PLAGL2: variants seen among roughly 807,000 people sequenced by gnomAD.
PLAGL2 encodes zinc finger protein PLAGL2.
PLAGL2 carries 7 observed loss-of-function variants against 29.0 expected under a neutral mutation model. The observed-to-expected ratio is 0.24, with a 90% CI of 0.14 to 0.45. The LOEUF is 0.45. PLAGL2 is among the 20% of genes least tolerant of loss of function. The probability of loss-of-function intolerance (pLI) is 0.99; values close to 1 mark genes in which losing one functional copy is unlikely to be tolerated. For missense variants in PLAGL2, 454 were observed against 648.2 expected (o/e 0.70, Z 3.25); for synonymous variants, 234 against 266.0 (o/e 0.88, Z 1.17).
chr20:32,201,475 C>T (rs1043795714), intron 2 of PLAGL2, among the ~76,000 whole-genome samples: 1 of 151,894 alleles, frequency 6.6e-6, no homozygotes, highest in African/African-American at 2.4e-5. Context: ...TCCTAGTTAC[C>T]TGGGAGAATG....
At chr20:32,203,048 T>C (rs1182967059) in intron 1 of PLAGL2, among the ~76,000 whole-genome samples, 1 of 150,828 alleles carries the variant, frequency 6.6e-6, no homozygotes, top group East Asian at 1.9e-4. Flanking sequence ...GAGAGGCCCC[T>C]CCTACAGGGC....
chr20:32,195,131 T>C lies in PLAGL2; in HGVS notation c.*1321A>G, dbSNP rs1016145276. 6.6e-6 allele frequency: 1 copy of C among 152,288 alleles called. No individual in the cohort carries two copies. The highest frequency in any genetic ancestry group is 2.4e-5 in the African/African-American group (1 of 41,424). 9.4% of individuals were successfully genotyped at this position (152,288 alleles called of 1,614,324 possible). A position where few individuals can be genotyped will look rare whatever the true frequency, so the allele number is the denominator to read the frequency against. On this transcript the variant is annotated 3_prime_UTR_variant, in exon 3 of 3. Transcript: ENST00000246229. ...GGAGAGCAGAGAAGCCTATGCACAG[T>C]GGCCGAGTCCACTGTAAAGTGGAAG...
chr20:32,205,855 C>G lies in PLAGL2; in HGVS notation c.-115+1786G>C, dbSNP rs6058548. ...CACACTCAAATTCTCCTCACTCCCC[C>G]CTAAAAAACAGTTGAGAGATAACAC... is the stretch of plus-strand genomic sequence containing the variant. On this transcript the variant is annotated intron_variant, in intron 1 of 2. Transcript: ENST00000246229. Among the ~76,000 whole-genome samples, 1,503 of 152,258 alleles carry G rather than the reference C, an allele frequency of 9.9e-3. 27 individuals are homozygous for G. The highest frequency in any genetic ancestry group is 0.035 in the African/African-American group (1,439 of 41,536).
At chr20:32,203,614 TGGGGAGG>T (rs1301690625) in intron 1 of PLAGL2, among the ~76,000 whole-genome samples, 1 of 152,144 alleles carries the variant, frequency 6.6e-6, no homozygotes, top group African/African-American at 2.4e-5. Flanking sequence ...CACGAGAATC[TGGGGAGG>T]GCTCCAACTG....
Position 32,202,734 on chromosome 20 carries a change from A to G in PLAGL2, c.-114-442T>C, listed in dbSNP as rs140338013. On this transcript the variant is annotated intron_variant, in intron 1 of 2. Coordinates refer to ENST00000246229, the MANE Select transcript of PLAGL2 (RefSeq NM_002657.3). ...GGCACCTCCTCGTCCACTACTTTCCACAATTGTCCTCCTCATGGAGGTGCT... is the reference window on the plus strand; with the variant it reads ...GGCACCTCCTCGTCCACTACTTTCCGCAATTGTCCTCCTCATGGAGGTGCT... 3.9e-3 allele frequency among the ~76,000 whole-genome samples: 591 copies of G among 152,206 alleles called. 6 individuals are homozygous for G. In the Middle Eastern group the frequency reaches 0.041, roughly 11 times the overall value.
intron 1 of PLAGL2, among the ~76,000 whole-genome samples, chr20:32,206,991 T>TG (rs1316219364): frequency 6.6e-6 from 1 of 151,832 alleles, no homozygotes; most frequent in Non-Finnish European, 1.5e-5. Flanking sequence ...GCTGGAAGGC[T>TG]GGGGGGATGG....
At chr20:32,206,664 A>G (rs1042275477) in intron 1 of PLAGL2, among the ~76,000 whole-genome samples, 3 of 152,232 alleles carry the variant, frequency 2.0e-5, no homozygotes, top group East Asian at 1.9e-4. Flanking sequence ...CTAAGCTTGC[A>G]GGTGAAAGCA....
chr20:32,207,602 C>T (rs1472819515), intron 1 of PLAGL2, 39 bp downstream of exon 1: 3 of 157,918 alleles, frequency 1.9e-5, no homozygotes, highest in Non-Finnish European at 2.8e-5. Context: ...CCTCCCGCCC[C>T]TCTCCCCGCC....
Position 32,197,321 on chromosome 20 carries a change from G to A in PLAGL2, c.622C>T (p.Arg208Trp). 2 of 1,602,970 alleles carry A rather than the reference G, an allele frequency of 1.2e-6. No individual in the cohort carries two copies. Among genetic ancestry groups the A allele is most frequent in the South Asian group, 1.1e-5 (1 of 90,090 alleles). Residue 208 changes from arginine (R) to tryptophan (W), a missense_variant, in exon 3 of 3, where the codon CGG (arginine) becomes TGG (tryptophan). By Grantham distance (101) the Arg-to-Trp change is moderately radical. Coordinates refer to ENST00000246229, the MANE Select transcript of PLAGL2 (RefSeq NM_002657.3). This position sits in a 1 kb window ranked among gnomAD's most constrained non-coding sequence, Gnocchi z 6.6. ...RRFYTRKDVRRHLVVHTGRKD... is the reference protein window; with the variant it reads ...RRFYTRKDVRWHLVVHTGRKD... ...CGGCCTGTGTGCACCACTAGGTGCC[G>A]CCGTACATCCTTACGAGTATAGAAC...
intron 1 of PLAGL2, among the ~76,000 whole-genome samples, chr20:32,205,525 T>G (rs762728738): frequency 2.0e-5 from 3 of 152,174 alleles, no homozygotes; most frequent in Non-Finnish European, 4.4e-5. Context: ...AAGCTGAAAC[T>G]GAGACATATT....
chr20:32,205,852 C>T lies in PLAGL2; in HGVS notation c.-115+1789G>A, dbSNP rs6121387. ...TGCCACACTCAAATTCTCCTCACTC[C>T]CCCCTAAAAAACAGTTGAGAGATAA... On this transcript the variant is annotated intron_variant, in intron 1 of 2. Transcript: ENST00000246229. Among the ~76,000 whole-genome samples, 749 of 152,200 alleles carry T rather than the reference C, an allele frequency of 4.9e-3. 7 individuals carry two copies. The highest frequency in any genetic ancestry group is 0.018 in the African/African-American group (727 of 41,496).
chr20:32,207,249 T>C, intron 1 of PLAGL2, among the ~76,000 whole-genome samples: 1 of 151,992 alleles, frequency 6.6e-6, no homozygotes, highest in East Asian at 1.9e-4. Context: ...GGTAGGCGTG[T>C]CGGAGGGAGG....
chr20:32,198,872 C>T (rs1200917917), intron 2 of PLAGL2, among the ~76,000 whole-genome samples: 1 of 152,172 alleles, frequency 6.6e-6, no homozygotes. Flanking sequence ...TCACTGCATG[C>T]CAGTATGTAC....
Position 32,202,264 on chromosome 20 carries a change from A to G in PLAGL2, c.-86T>C, listed in dbSNP as rs895562814. On this transcript the variant is annotated 5_prime_UTR_variant, in exon 2 of 3. Transcript: ENST00000246229. ...GCTCTCAGCTCTGTCACAGCCTCCA[A>G]CGCAGCTTTCAGAAAACAATCTCTT... The G allele has an allele frequency of 3.6e-6, 5 of 1,389,924 alleles. No homozygotes were observed. The African/African-American group carries it at 4.3e-5, about 12-fold the overall frequency. 86.1% of individuals were successfully genotyped at this position (1,389,924 alleles called of 1,614,324 possible). A position where few individuals can be genotyped will look rare whatever the true frequency, so the allele number is the denominator to read the frequency against.
rs746350331 is a variant in PLAGL2 at position 32,196,173 on chromosome 20, G to A, written c.*279C>T. ...TTCTGGCGCTTTGGAGAGGAAGAGG[G>A]CCAAGTGTGGCTCCCGATTCAGGTC... is the stretch of plus-strand genomic sequence containing the variant. On this transcript the variant is annotated 3_prime_UTR_variant, in exon 3 of 3. Transcript: ENST00000246229. The A allele has an allele frequency of 4.0e-6, 1 of 248,556 alleles. No homozygotes were observed. The highest frequency in any genetic ancestry group is 7.6e-6 in the Non-Finnish European group (1 of 132,254). 15.4% of individuals were successfully genotyped at this position (248,556 alleles called of 1,614,324 possible).
intron 2 of PLAGL2, among the ~76,000 whole-genome samples, chr20:32,199,645 C>T (rs2047248737): frequency 6.6e-6 from 1 of 152,094 alleles, no homozygotes; most frequent in African/African-American, 2.4e-5. Flanking sequence ...GATCACCCTG[C>T]ACAACACAGG....
At chr20:32,201,092 T>C (rs1209493680) in intron 2 of PLAGL2, among the ~76,000 whole-genome samples, 1 of 152,204 alleles carries the variant, frequency 6.6e-6, no homozygotes, top group Non-Finnish European at 1.5e-5. Flanking sequence ...GCAGGCTGAT[T>C]CAGTAGAAGA....
intron 1 of PLAGL2, among the ~76,000 whole-genome samples, chr20:32,205,455 A>G (rs2047281491): frequency 6.6e-6 from 1 of 152,098 alleles, no homozygotes; most frequent in Admixed American, 6.5e-5. Flanking sequence ...CTCTTGTATT[A>G]TTAGGGCTCC....
intron 1 of PLAGL2, among the ~76,000 whole-genome samples, chr20:32,207,150 A>C (rs951300247): frequency 8.5e-5 from 13 of 152,134 alleles, no homozygotes; most frequent in Admixed American, 2.0e-4. Context: ...TATTTGAGGG[A>C]AGCCTCAAAG....
Sources: allele counts gnomAD v4.1 joint callset (sites outside exome capture counted in the v4.1 genomes callset), GRCh38; gene constraint gnomAD v4.1.1; non-coding constraint Gnocchi (gnomAD v3.1); transcripts MANE v1.5; gene names NCBI Gene and HGNC (gene_info 2026-07-23, HGNC 2026-07-21).